Variants in JAZF1 observed in about 807,000 individuals in gnomAD.
JAZF1 encodes juxtaposed with another zinc finger protein 1.
A neutral mutation model predicts 26.4 loss-of-function variants in JAZF1; 8 were observed. That is an observed-to-expected ratio of 0.30 (90% CI 0.18 to 0.55). JAZF1 has a LOEUF of 0.55. Ranked by LOEUF, JAZF1 falls within the 20% of genes least tolerant of loss-of-function variation. The pLI, the probability that JAZF1 is intolerant of heterozygous loss-of-function variation, is 0.94. For synonymous variants in JAZF1, 126 were observed against 122.3 expected (o/e 1.03, Z -0.20); for missense variants, 199 against 322.0 (o/e 0.62, Z 2.92).
chr7:28,113,756 G>A (rs1366250194), intron 1 of JAZF1, among the ~76,000 whole-genome samples: 1 of 152,214 alleles, frequency 6.6e-6, no homozygotes, highest in Admixed American at 6.5e-5. Flanking sequence ...TCTAGCCACT[G>A]AAGGTACTGT....
At chr7:27,853,090 T>C (rs988172001) in intron 3 of JAZF1, among the ~76,000 whole-genome samples, 7 of 152,342 alleles carry the variant, frequency 4.6e-5, no homozygotes, top group Admixed American at 3.9e-4. Context: ...ACGTGGCATT[T>C]ACCTCCCCAT....
chr7:27,923,434 C>A (rs1431049601), intron 2 of JAZF1, among the ~76,000 whole-genome samples: 1 of 152,238 alleles, frequency 6.6e-6, no homozygotes, highest in African/African-American at 2.4e-5. Flanking sequence ...ACACTCTATC[C>A]CAACTTTGCA....
At chr7:27,885,768 T>G (rs994864236) in intron 3 of JAZF1, among the ~76,000 whole-genome samples, 21 of 152,122 alleles carry the variant, frequency 1.4e-4, no homozygotes, top group African/African-American at 5.1e-4. Context: ...CCTGAAAATT[T>G]ATCCATGTCC....
At chr7:27,838,395 C>T (rs1245070854) in intron 4 of JAZF1, among the ~76,000 whole-genome samples, 1 of 152,128 alleles carries the variant, frequency 6.6e-6, no homozygotes, top group Admixed American at 6.5e-5. Flanking sequence ...TGCATGAGGT[C>T]TGGGAGTTCG....
chr7:27,857,795 G>T (rs866443389), intron 3 of JAZF1, among the ~76,000 whole-genome samples: 16 of 152,288 alleles, frequency 1.1e-4, no homozygotes, highest in Admixed American at 4.6e-4. Context: ...CATACTGAAT[G>T]GGCAAAAGCT....
At chr7:28,078,752 A>G (rs1455266418) in intron 1 of JAZF1, among the ~76,000 whole-genome samples, 2 of 152,232 alleles carry the variant, frequency 1.3e-5, no homozygotes, top group African/African-American at 4.8e-5. Context: ...AACACTGGAA[A>G]AGAAGAGAAG....
At chr7:27,919,210 TAGGAG>T (rs1784490272) in intron 2 of JAZF1, among the ~76,000 whole-genome samples, 1 of 152,178 alleles carries the variant, frequency 6.6e-6, no homozygotes, top group South Asian at 2.1e-4. Flanking sequence ...TTTGAGCTCT[TAGGAG>T]AGGAAATGCT....
chr7:28,172,300 AT>A (rs1173348611), intron 1 of JAZF1, among the ~76,000 whole-genome samples: 1 of 152,182 alleles, frequency 6.6e-6, no homozygotes, highest in Non-Finnish European at 1.5e-5. Context: ...TGACATATAC[AT>A]TTTTAGGATT....
At chr7:27,879,554 T>C (rs548550101) in intron 3 of JAZF1, among the ~76,000 whole-genome samples, 2 of 152,300 alleles carry the variant, frequency 1.3e-5, no homozygotes, top group African/African-American at 4.8e-5. Context: ...AACTTCATCA[T>C]GGTGAATTTT....
chr7:27,939,688 C>A (rs1784814085), intron 2 of JAZF1, among the ~76,000 whole-genome samples: 1 of 152,224 alleles, frequency 6.6e-6, no homozygotes, highest in Non-Finnish European at 1.5e-5. Flanking sequence ...AGGCCACAAG[C>A]CAAATGCGAC....
chr7:27,987,515 G>A (rs939638472), intron 2 of JAZF1, among the ~76,000 whole-genome samples: 1 of 152,034 alleles, frequency 6.6e-6, no homozygotes, highest in Admixed American at 6.5e-5. Context: ...CACCCAGTAC[G>A]GGAGGTCGGG....
intron 1 of JAZF1, among the ~76,000 whole-genome samples, chr7:28,160,536 C>T (rs551438999): frequency 3.9e-5 from 6 of 152,214 alleles, no homozygotes; most frequent in African/African-American, 1.4e-4. Context: ...CTCAAAGGTT[C>T]CTTCTGCTGC....
chr7:27,847,473 G>A (rs1214194006), intron 3 of JAZF1, among the ~76,000 whole-genome samples: 1 of 152,072 alleles, frequency 6.6e-6, no homozygotes, highest in East Asian at 1.9e-4. Flanking sequence ...TATAAGATAA[G>A]GGACCAATTT....
intron 2 of JAZF1, among the ~76,000 whole-genome samples, chr7:27,936,447 C>T (rs1274230707): frequency 1.3e-5 from 2 of 152,180 alleles, no homozygotes; most frequent in Non-Finnish European, 2.9e-5. Flanking sequence ...TAGTGAGTTT[C>T]TTTGTGAGTG....
chr7:28,093,590 G>A (rs576055210), intron 1 of JAZF1, among the ~76,000 whole-genome samples: 4 of 152,244 alleles, frequency 2.6e-5, no homozygotes, highest in African/African-American at 9.6e-5. Context: ...ACTTACATAT[G>A]TTCCTTTCAA....
chr7:28,001,024 C>G (rs1271140664), intron 1 of JAZF1, among the ~76,000 whole-genome samples: 1 of 152,066 alleles, frequency 6.6e-6, no homozygotes, highest in Non-Finnish European at 1.5e-5. Context: ...TCAGTAGGTT[C>G]ACAATTGAGC....
At chr7:28,053,905 C>CT (rs1248787905) in intron 1 of JAZF1, among the ~76,000 whole-genome samples, 2 of 152,092 alleles carry the variant, frequency 1.3e-5, no homozygotes, top group Non-Finnish European at 2.9e-5. Flanking sequence ...CTGCATCAAT[C>CT]TTTTTAAAAA....
intron 1 of JAZF1, among the ~76,000 whole-genome samples, chr7:28,150,124 A>G (rs910229466): frequency 6.6e-6 from 1 of 152,192 alleles, no homozygotes; most frequent in Non-Finnish European, 1.5e-5. Flanking sequence ...GAGTGTTACT[A>G]TAAGGAGGAC....
intron 1 of JAZF1, among the ~76,000 whole-genome samples, chr7:28,025,643 T>C (rs1583516238): frequency 1.3e-5 from 2 of 152,232 alleles, no homozygotes; most frequent in African/African-American, 4.8e-5. Flanking sequence ...AAGAAACCAA[T>C]CAGGGGTTTA....
Sources: allele counts gnomAD v4.1 joint callset (sites outside exome capture counted in the v4.1 genomes callset), GRCh38; gene constraint gnomAD v4.1.1; transcripts MANE v1.5; gene names NCBI Gene and HGNC (gene_info 2026-07-23, HGNC 2026-07-21).